The following RARRES1 variants were observed in gnomAD, a reference collection of about 807,000 sequenced individuals.
RARRES1 encodes the protein retinoic acid receptor responder 1.
Under a neutral mutation model 30.6 loss-of-function variants are expected in RARRES1, and 34 were observed. That is an observed-to-expected ratio of 1.11 (90% confidence interval 0.84 to 1.48). The LOEUF is 1.48. Among genes scored for constraint, RARRES1 ranks in the 40% most tolerant of loss-of-function variants. RARRES1 has a pLI of 0.00. For synonymous variants in RARRES1, 153 were observed against 155.5 expected, an observed-to-expected ratio of 0.98 and a Z score of 0.12; for missense variants, 373 against 386.5, an observed-to-expected ratio of 0.97 and a Z score of 0.29.
chr3:158,714,360 GTGCT>G (rs933527407), intron 1 of RARRES1, among the ~76,000 whole-genome samples: 8 of 152,162 alleles, frequency 5.3e-5, no homozygotes, highest in Non-Finnish European at 1.2e-4. Context: ...GTGTAGGAAG[GTGCT>G]TGCTTGGCAC....
rs1336744768 is a variant in RARRES1, at chr3:158,732,433, C to T, written c.-18G>A. On this transcript the variant is annotated 5_prime_UTR_variant, in exon 1 of 6. Transcript: ENST00000237696. ...GGCTGCATGGACGCAGGAAAGTTGG[C>T]TCGGCACCCGACAGACACGGGCTCG... 1.3e-6 allele frequency: 2 copies of T among 1,516,924 alleles called. No homozygotes were observed. The highest frequency in any genetic ancestry group is 2.0e-5 in the Admixed American group (1 of 50,010). The allele number at this position is 1,516,924 out of a possible 1,614,324, so 94.0% of individuals were successfully genotyped here.
chr3:158,713,730 C>T, intron 2 of RARRES1, 67 bp downstream of exon 2: 1 of 1,437,422 alleles, frequency 7.0e-7, no homozygotes, highest in Non-Finnish European at 9.6e-7. Flanking sequence ...TTAAGATTCT[C>T]ACTTTTTTAC....
chr3:158,699,701 T>C (rs999026418), intron 4 of RARRES1, among the ~76,000 whole-genome samples: 2 of 152,070 alleles, frequency 1.3e-5, no homozygotes, highest in Non-Finnish European at 2.9e-5. Flanking sequence ...TTCTTGGCAA[T>C]AGTCAGTAGG....
intron 3 of RARRES1, among the ~76,000 whole-genome samples, chr3:158,707,668 T>C (rs1192039862): frequency 2.0e-5 from 3 of 151,922 alleles, no homozygotes; most frequent in Non-Finnish European, 4.4e-5. Flanking sequence ...CTTGAAAAAA[T>C]GGAAAAGCTT....
chr3:158,724,023 C>T (rs1170165245), intron 1 of RARRES1, among the ~76,000 whole-genome samples: 1 of 152,172 alleles, frequency 6.6e-6, no homozygotes, highest in African/African-American at 2.4e-5. Context: ...GATAGGCAAG[C>T]ACATGGGCAG....
chr3:158,705,000 AAT>A, intron 3 of RARRES1, 73 bp from the exon 4 acceptor site: 2 of 1,552,414 alleles, frequency 1.3e-6, no homozygotes, highest in Non-Finnish European at 1.7e-6. Context: ...GCAGAAATGA[AAT>A]AGGGTTTAAA....
Position 158,704,922 on chromosome 3 carries a change from G to A in RARRES1, c.541C>T (p.His181Tyr). 3 of 1,605,920 alleles carry A rather than the reference G, an allele frequency of 1.9e-6. No individual in the cohort carries two copies. The highest frequency in any genetic ancestry group is 2.5e-6 in the Non-Finnish European group (3 of 1,177,794). The stretch of plus-strand genomic sequence containing the variant: ...CTCAGAGAGGGATCAATATGTCCAT[G>A]ATTATCTGAGAGAGACAAAAAAAGC... ...PLEIVSIPDNHGHIDPSLRLI... is the reference protein window; with the variant it reads ...PLEIVSIPDNYGHIDPSLRLI... The change falls in exon 4 of 6, where the codon CAT (histidine) becomes TAT (tyrosine). Residue 181 changes from histidine (H) to tyrosine (Y), a missense_variant. By Grantham distance (83) the His-to-Tyr change is moderately conservative (BLOSUM62 2). Transcript: ENST00000237696.
chr3:158,699,241 C>T (rs1428614001), intron 4 of RARRES1, among the ~76,000 whole-genome samples: 1 of 152,056 alleles, frequency 6.6e-6, no homozygotes, highest in Admixed American at 6.6e-5. Flanking sequence ...TGTTTTTTGT[C>T]CCAGAAGGGA....
intron 2 of RARRES1, 110 bp from the exon 3 acceptor site, chr3:158,711,043 A>G: frequency 2.0e-6 from 2 of 987,198 alleles, no homozygotes; most frequent in Non-Finnish European, 1.5e-6. Context: ...TCTGGCATCA[A>G]TAGATGTAGT....
At chr3:158,707,516 G>C (rs186860531) in intron 3 of RARRES1, among the ~76,000 whole-genome samples, 1 of 152,098 alleles carries the variant, frequency 6.6e-6, no homozygotes, top group Non-Finnish European at 1.5e-5. Context: ...GGGTATAAAA[G>C]GAGTCTTAGA....
At chr3:158,716,361 T>C (rs936357115) in intron 1 of RARRES1, among the ~76,000 whole-genome samples, 1 of 152,188 alleles carries the variant, frequency 6.6e-6, no homozygotes, top group African/African-American at 2.4e-5. Flanking sequence ...CAGTGATACA[T>C]TCGGGCATGG....
At position 158,711,217 on chromosome 3, in the gene RARRES1, C is replaced by T. The variant is rs184196673; in HGVS notation, c.340-284G>A. On this transcript the variant is annotated intron_variant, in intron 2 of 5. Transcript: ENST00000237696. ...TCCATTGAGCACTGCTTGGCTCAAA[C>T]CTTTAGAGTAGTGGCCACTTTACTC... 2.6e-5 allele frequency among the ~76,000 whole-genome samples: 4 copies of T among 152,256 alleles called. No individual in the cohort carries two copies. The East Asian group carries it at 5.8e-4, about 22-fold the overall frequency.
chr3:158,712,291 C>A (rs1027212953), intron 2 of RARRES1, among the ~76,000 whole-genome samples: 1 of 152,138 alleles, frequency 6.6e-6, no homozygotes, highest in African/African-American at 2.4e-5. Context: ...AAATTGTAAT[C>A]AAAATTCTCT....
intron 1 of RARRES1, among the ~76,000 whole-genome samples, chr3:158,726,974 G>T (rs116462337): frequency 1.3e-5 from 2 of 152,182 alleles, no homozygotes; most frequent in African/African-American, 4.8e-5. Context: ...GTTTGAGGGT[G>T]TGGCAGCTCC....
intron 1 of RARRES1, among the ~76,000 whole-genome samples, chr3:158,715,244 G>A (rs1727286865): frequency 6.6e-6 from 1 of 152,208 alleles, no homozygotes; most frequent in African/African-American, 2.4e-5. Context: ...TGTCCAGCCC[G>A]GCCTTTCCAG....
chr3:158,726,794 G>C (rs1206488077), intron 1 of RARRES1, among the ~76,000 whole-genome samples: 1 of 152,198 alleles, frequency 6.6e-6, no homozygotes, highest in Non-Finnish European at 1.5e-5. Flanking sequence ...GAAAGACTGT[G>C]ATATGATTTG....
At chr3:158,712,787 T>C (rs976759712) in intron 2 of RARRES1, among the ~76,000 whole-genome samples, 2 of 152,144 alleles carry the variant, frequency 1.3e-5, no homozygotes, top group Non-Finnish European at 2.9e-5. Context: ...CCCCCTGAAA[T>C]GGAAGGTTTC....
At chr3:158,714,375 G>C (rs1052026532) in intron 1 of RARRES1, among the ~76,000 whole-genome samples, 1 of 152,156 alleles carries the variant, frequency 6.6e-6, no homozygotes, top group Non-Finnish European at 1.5e-5. Context: ...TGCTTGGCAC[G>C]AGGCGATCTC....
At chr3:158,713,932 T>G in intron 1 of RARRES1, 73 bp from the exon 2 acceptor site, 1 of 1,347,856 alleles carries the variant, frequency 7.4e-7, no homozygotes, top group Non-Finnish European at 1.1e-6. Context: ...AATCACACTC[T>G]TAGGATAACA....
Sources: gnomAD v4.1 joint callset for allele counts (sites outside exome capture counted in the v4.1 genomes callset) on GRCh38, gnomAD v4.1.1 for gene constraint, MANE v1.5 for transcripts, NCBI Gene and HGNC (gene_info 2026-07-23, HGNC 2026-07-21) for gene names.